Variants in HNRNPM observed in about 807,000 individuals in gnomAD.
HNRNPM encodes the protein CEA receptor.
Under a neutral mutation model 73.1 loss-of-function variants are expected in HNRNPM, and 11 were observed. The ratio of observed to expected loss-of-function variants is 0.15; its 90% CI spans 0.09 to 0.25. The LOEUF (loss-of-function observed/expected upper bound fraction) is 0.25. HNRNPM is among the 10% of genes least tolerant of loss of function. The pLI is 1.00. For missense variants in HNRNPM, 789 were observed against 1,067.9 expected (o/e 0.74, Z 3.64); for synonymous variants, 407 against 355.2 (o/e 1.15, Z -1.64).
chr19:8,483,710 C>A (rs1971079429), intron 13 of HNRNPM, among the ~76,000 whole-genome samples: 1 of 152,238 alleles, frequency 6.6e-6, no homozygotes, highest in Non-Finnish European at 1.5e-5. Flanking sequence ...CTGCCGGAAA[C>A]ATTTTGTTCT....
At chr19:8,484,636 C>T (rs1360784758) in intron 13 of HNRNPM, among the ~76,000 whole-genome samples, 1 of 152,164 alleles carries the variant, frequency 6.6e-6, no homozygotes, top group African/African-American at 2.4e-5. Context: ...GAAGCAGGCG[C>T]GGTGTGGCCA....
At chr19:8,479,363 G>C (rs567596160) in intron 12 of HNRNPM, among the ~76,000 whole-genome samples, 1 of 152,182 alleles carries the variant, frequency 6.6e-6, no homozygotes, top group Admixed American at 6.5e-5. Context: ...ACAGGTGTGA[G>C]CCATCACGCC....
intron 7 of HNRNPM, 86 bp downstream of exon 7, chr19:8,466,474 CTG>C (rs918689327): frequency 2.6e-5 from 35 of 1,321,304 alleles, no homozygotes; most frequent in Non-Finnish European, 3.6e-5. Context: ...GAAGAGGTGA[CTG>C]TGTGTATTCA....
At chr19:8,459,602 T>C (rs1225422744) in intron 2 of HNRNPM, among the ~76,000 whole-genome samples, 1 of 152,226 alleles carries the variant, frequency 6.6e-6, no homozygotes, top group Non-Finnish European at 1.5e-5. Flanking sequence ...ATAGGTCTTA[T>C]AACATGTGAA....
intron 8 of HNRNPM, 114 bp from the exon 9 acceptor site, chr19:8,468,660 C>A (rs1001048716): frequency 5.3e-6 from 4 of 753,564 alleles, no homozygotes; most frequent in Non-Finnish European, 9.4e-6. Context: ...TACTCCATGG[C>A]GTGGATAATG....
Position 8,462,177 on chromosome 19 carries a change from G to GT in HNRNPM, c.284-351dup, listed in dbSNP as rs1202788975. ...GCTTGCCACCAATGAGAGCGTATGTGTAAAACCTCCTCCCTTCCCCAGAAA... is the reference window on the plus strand; with the variant it reads ...GCTTGCCACCAATGAGAGCGTATGTGTTAAAACCTCCTCCCTTCCCCAGAAA... On this transcript the variant is annotated intron_variant, in intron 2 of 15. Coordinates refer to ENST00000325495, the MANE Select transcript of HNRNPM (RefSeq NM_005968.5). The surrounding 1 kb of genome is among the most constrained non-coding windows in gnomAD (Gnocchi z 4.5). 1.7e-4 allele frequency: 42 copies of GT among 254,216 alleles called. No homozygotes were observed. In the Admixed American group the frequency reaches 2.0e-3, roughly 12 times the overall value. 15.7% of individuals were successfully genotyped at this position (254,216 alleles called of 1,614,324 possible).
chr19:8,447,334 G>C (rs1968267494), intron 1 of HNRNPM, among the ~76,000 whole-genome samples: 1 of 150,848 alleles, frequency 6.6e-6, no homozygotes, highest in Non-Finnish European at 1.5e-5. Flanking sequence ...TCCATGCAGA[G>C]TGGAGAGGCC....
intron 12 of HNRNPM, among the ~76,000 whole-genome samples, chr19:8,476,925 A>G (rs1454104404): frequency 2.0e-5 from 3 of 149,162 alleles, no homozygotes; most frequent in African/African-American, 7.4e-5. Flanking sequence ...TCCAGCAGAT[A>G]GCACCCATGA....
At chr19:8,470,423 G>A (rs1043750642) in intron 9 of HNRNPM, among the ~76,000 whole-genome samples, 1 of 152,080 alleles carries the variant, frequency 6.6e-6, no homozygotes, top group African/African-American at 2.4e-5. Context: ...CATTTCCTGG[G>A]TTCTAGTGAT....
chr19:8,445,724 C>G (rs888238994), intron 1 of HNRNPM: 4 of 152,502 alleles, frequency 2.6e-5, no homozygotes, highest in Non-Finnish European at 4.4e-5. Context: ...CCTCGCCCCA[C>G]GCTCTGGCCC....
At chr19:8,454,684 CTTTT>C (rs57290220) in intron 1 of HNRNPM, among the ~76,000 whole-genome samples, 1 of 118,766 alleles carries the variant, frequency 8.4e-6, no homozygotes, top group African/African-American at 3.5e-5. Context: ...CCCCCCCCCC[CTTTT>C]TTTTTTTAAC....
chr19:8,467,633 C>T, intron 8 of HNRNPM, 49 bp downstream of exon 8: 2 of 1,319,978 alleles, frequency 1.5e-6, no homozygotes, highest in Non-Finnish European at 2.2e-6. Context: ...CTAGCAAAAA[C>T]ATGGAATTAA....
Position 8,455,405 on chromosome 19 carries a change from TGAAGGA to T in HNRNPM, c.118_123del (p.Gly40_Glu41del). The T allele has an allele frequency of 2.5e-6, 4 of 1,610,496 alleles. No individual in the cohort carries two copies. Among genetic ancestry groups the T allele is most frequent in the Non-Finnish European group, 3.4e-6 (4 of 1,178,672 alleles). On this transcript the variant is annotated inframe_deletion and splice_region_variant, in exon 2 of 16. Coordinates refer to ENST00000325495, the MANE Select transcript of HNRNPM (RefSeq NM_005968.5). ...TTTTTTTCCTCTCTCTCGAATTCAG[TGAAGGA>T]GAACGACCTGCTCAGAATGAGAAGA...
At chr19:8,471,510 T>A (rs1478039219) in intron 10 of HNRNPM, 83 bp downstream of exon 10, 11 of 615,142 alleles carry the variant, frequency 1.8e-5, no homozygotes, top group Non-Finnish European at 2.7e-5. Flanking sequence ...TTGAGTAGTT[T>A]AAATGGAATA....
chr19:8,445,940 A>G (rs1162633436), intron 1 of HNRNPM, among the ~76,000 whole-genome samples: 2 of 152,192 alleles, frequency 1.3e-5, no homozygotes, highest in Non-Finnish European at 2.9e-5. Context: ...CAGCTTTTCG[A>G]GTCCTGCTTG....
In HNRNPM at chr19:8,467,541, T is replaced by G; in HGVS notation, c.791T>G (p.Phe264Cys). The G allele has an allele frequency of 6.2e-7, 1 of 1,611,886 alleles. No homozygotes were observed. The highest frequency in any genetic ancestry group is 8.5e-7 in the Non-Finnish European group (1 of 1,177,960). The change falls in exon 8 of 16, where the codon TTC (phenylalanine) becomes TGC (cysteine). Residue 264 changes from phenylalanine (F) to cysteine (C), a missense_variant. Phe to Cys is a radical substitution (Grantham distance 205, BLOSUM62 -2). Coordinates refer to ENST00000325495, the MANE Select transcript of HNRNPM (RefSeq NM_005968.5). ...GCCTTAATTGTAATACCAGCTATGT[T>G]CAATGGCCAGCTGCTATTTGATAGA... ...SIEAVQAISM[F>C]NGQLLFDRPM... is the part of the protein sequence containing the mutation.
At chr19:8,456,782 A>G (rs550180925) in intron 2 of HNRNPM, among the ~76,000 whole-genome samples, 1 of 152,274 alleles carries the variant, frequency 6.6e-6, no homozygotes, top group African/African-American at 2.4e-5. Context: ...CCCACGTGGC[A>G]TTTCTCCAGA....
chr19:8,447,248 G>A (rs1968254050), intron 1 of HNRNPM, among the ~76,000 whole-genome samples: 1 of 138,322 alleles, frequency 7.2e-6, no homozygotes, highest in Non-Finnish European at 1.5e-5. Context: ...TTTTGATAGG[G>A]CCTGTGGAAA....
chr19:8,478,036 C>T (rs1267608469), intron 12 of HNRNPM, among the ~76,000 whole-genome samples: 2 of 152,164 alleles, frequency 1.3e-5, no homozygotes, highest in Non-Finnish European at 2.9e-5. Context: ...TGGGGTAGGG[C>T]ATGTGTTGAG....
Sources: gnomAD v4.1 joint callset for allele counts (sites outside exome capture counted in the v4.1 genomes callset) on GRCh38, gnomAD v4.1.1 for gene constraint, Gnocchi (gnomAD v3.1) non-coding constraint, MANE v1.5 for transcripts, NCBI Gene and HGNC (gene_info 2026-07-23, HGNC 2026-07-21) for gene names.